SLC20A2: variants seen among roughly 807,000 people sequenced by gnomAD.
SLC20A2 encodes solute carrier family 20 member 2.
A neutral mutation model predicts 61.0 loss-of-function variants in SLC20A2; 30 were observed. That is an observed-to-expected ratio of 0.49 (90% confidence interval 0.37 to 0.67). SLC20A2 has a LOEUF of 0.67. Among genes scored for constraint, SLC20A2 ranks in the 30% least tolerant of loss-of-function variants. SLC20A2 has a pLI of 0.00. For missense variants in SLC20A2, 626 were observed against 866.4 expected, an observed-to-expected ratio of 0.72 and a Z score of 3.48; for synonymous variants, 351 against 353.3, an observed-to-expected ratio of 0.99 and a Z score of 0.07.
At position 42,437,285 on chromosome 8, in the gene SLC20A2, G is replaced by C; in HGVS notation, c.1227C>G (p.Ala409=). 1 of 1,614,136 alleles carries C rather than the reference G, an allele frequency of 6.2e-7. No individual in the cohort carries two copies. The highest frequency in any genetic ancestry group is 8.5e-7 in the Non-Finnish European group (1 of 1,180,044). The change falls in exon 8 of 11, where the codon GCC becomes GCG. Residue 409 remains alanine (A), a synonymous_variant. Coordinates refer to ENST00000520262, the MANE Select transcript of SLC20A2 (RefSeq NM_001257180.2). This position sits in a 1 kb window ranked among gnomAD's most constrained non-coding sequence, Gnocchi z 6.4. ...HATFRAADSS[A]PEDSEKLVGD... The stretch of plus-strand genomic sequence containing the variant: ...CCACCAGCTTCTCACTGTCCTCTGG[G>C]GCCGATGAGTCCGCAGCTCGAAAGG...
chr8:42,492,113 T>C (rs945205315), intron 1 of SLC20A2, among the ~76,000 whole-genome samples: 3 of 152,176 alleles, frequency 2.0e-5, no homozygotes, highest in Non-Finnish European at 4.4e-5. Flanking sequence ...TCCCAGCACT[T>C]TGGGAGGCCG....
At chr8:42,534,943 ATAACT>A (rs1172992160) in intron 1 of SLC20A2, 11 of 152,222 alleles carry the variant, frequency 7.2e-5, no homozygotes, top group African/African-American at 2.4e-4. Context: ...GTAGTGGAAA[ATAACT>A]TAATATTATA....
chr8:42,427,084 C>T (rs766357779), intron 10 of SLC20A2, among the ~76,000 whole-genome samples: 2 of 152,264 alleles, frequency 1.3e-5, no homozygotes, highest in Non-Finnish European at 2.9e-5. Flanking sequence ...GGCACACCTG[C>T]ACCTCTTCCT....
rs1804407760 is a variant in SLC20A2 at position 42,437,736 on chromosome 8, C to G, written c.935-159G>C. On this transcript the variant is annotated intron_variant, in intron 7 of 10. Coordinates refer to ENST00000520262, the MANE Select transcript of SLC20A2 (RefSeq NM_001257180.2). This position sits in a 1 kb window ranked among gnomAD's most constrained non-coding sequence, Gnocchi z 6.4. Reference sequence around the variant, plus strand: ...CGGGTTCAAGCGATTCTCCCTCAGCCTCCTGAGTAGCTGGGACTACAAGCG... The same window carrying G: ...CGGGTTCAAGCGATTCTCCCTCAGCGTCCTGAGTAGCTGGGACTACAAGCG... Among the ~76,000 whole-genome samples the G allele has an allele frequency of 6.6e-6, 1 of 151,762 alleles. No homozygotes were observed. The highest frequency in any genetic ancestry group is 6.6e-5 in the Admixed American group (1 of 15,218).
intron 2 of SLC20A2, among the ~76,000 whole-genome samples, chr8:42,468,681 C>T (rs1426105671): frequency 2.0e-5 from 3 of 151,826 alleles, no homozygotes; most frequent in African/African-American, 7.3e-5. Flanking sequence ...TCAGAGGCCG[C>T]CATTCCCGTG....
intron 1 of SLC20A2, chr8:42,484,785 C>T: frequency 3.1e-6 from 1 of 323,534 alleles, no homozygotes; most frequent in Non-Finnish European, 6.1e-6. Flanking sequence ...AGGCTGCTCC[C>T]ATATCATGCG....
Position 42,430,167 on chromosome 8 carries a change from G to A in SLC20A2, c.1606C>T (p.Leu536=), listed in dbSNP as rs1586002122. The A allele has an allele frequency of 3.7e-6, 6 of 1,613,996 alleles. No individual in the cohort carries two copies. The East Asian group carries it at 8.9e-5, about 24-fold the overall frequency. The part of the protein sequence containing the change: ...VTQEAATPVW[L]LFYGGVGICT... ...ATTCCAACTCCTCCATAAAACAGCA[G>A]CCAGACGGGTGTAGCTGCTTCTTGC... Residue 536 remains leucine (L), a synonymous_variant, in exon 9 of 11, where the codon CTG becomes TTG. Transcript: ENST00000520262.
intron 1 of SLC20A2, among the ~76,000 whole-genome samples, chr8:42,496,587 A>G (rs867412981): frequency 6.6e-6 from 1 of 152,220 alleles, no homozygotes; most frequent in African/African-American, 2.4e-5. Context: ...AGCCATTCCA[A>G]TGGAATTAGA....
chr8:42,448,059 G>A (rs1230923485), intron 5 of SLC20A2, among the ~76,000 whole-genome samples: 1 of 152,182 alleles, frequency 6.6e-6, no homozygotes, highest in African/African-American at 2.4e-5. Context: ...GTTCATACAC[G>A]CAGCAAAGGA....
intron 6 of SLC20A2, 123 bp downstream of exon 6, chr8:42,444,523 G>C (rs1409970546): frequency 4.2e-6 from 3 of 720,168 alleles, no homozygotes; most frequent in Non-Finnish European, 7.3e-6. Flanking sequence ...ACAGAGGATG[G>C]GGTATGTTCT....
chr8:42,504,114 A>AT (rs56978638), upstream of SLC20A2, among the ~76,000 whole-genome samples: 1,835 of 152,008 alleles, frequency 0.012, 40 homozygotes, highest in African/African-American at 0.043. Context: ...TAATTTTAAA[A>AT]TTTTTTTGTA....
intron 1 of SLC20A2, among the ~76,000 whole-genome samples, chr8:42,531,282 C>T (rs1220425781): frequency 6.6e-6 from 1 of 152,138 alleles, no homozygotes; most frequent in Non-Finnish European, 1.5e-5. Flanking sequence ...GTGAATATTA[C>T]AGGACCATTA....
At chr8:42,502,435 G>C (rs1810384349), upstream of SLC20A2, 1 of 152,238 alleles carries the variant, frequency 6.6e-6, no homozygotes, top group African/African-American at 2.4e-5. Context: ...ACTCTCTCTT[G>C]CAGACAGGTA....
intron 8 of SLC20A2, among the ~76,000 whole-genome samples, chr8:42,432,294 G>C (rs924449053): frequency 1.3e-5 from 2 of 152,238 alleles, no homozygotes; most frequent in Non-Finnish European, 2.9e-5. Flanking sequence ...AGCCACTGCA[G>C]ATGTGGTGGA....
intron 1 of SLC20A2, among the ~76,000 whole-genome samples, chr8:42,513,921 GT>G (rs370629451): frequency 1.1e-4 from 16 of 152,290 alleles, no homozygotes; most frequent in African/African-American, 3.1e-4. Context: ...AGGAAACCAT[GT>G]AGCATGTTCT....
chr8:42,455,219 C>T (rs1303669927), intron 5 of SLC20A2, among the ~76,000 whole-genome samples: 5 of 95,658 alleles, frequency 5.2e-5, no homozygotes, highest in Admixed American at 2.6e-4. Flanking sequence ...AGCAAGACTC[C>T]GTCTAAAAAA....
intron 1 of SLC20A2, among the ~76,000 whole-genome samples, chr8:42,487,022 A>G (rs369836825): frequency 4.6e-5 from 7 of 151,690 alleles, no homozygotes; most frequent in South Asian, 4.2e-4. Context: ...ATGTGCCACA[A>G]CGCCCGGCTA....
intron 8 of SLC20A2, among the ~76,000 whole-genome samples, chr8:42,432,494 A>C (rs1425730105): frequency 6.6e-6 from 1 of 152,260 alleles, no homozygotes; most frequent in Non-Finnish European, 1.5e-5. Flanking sequence ...AATATTCCAC[A>C]AACTCAGTTA....
intron 1 of SLC20A2, among the ~76,000 whole-genome samples, chr8:42,483,548 A>T (rs1165252331): frequency 1.3e-5 from 2 of 152,234 alleles, no homozygotes; most frequent in Non-Finnish European, 2.9e-5. Context: ...TCTGGAAGCG[A>T]GGGACGAGAA....
Sources: allele counts gnomAD v4.1 joint callset (sites outside exome capture counted in the v4.1 genomes callset), GRCh38; gene constraint gnomAD v4.1.1; non-coding constraint Gnocchi (gnomAD v3.1); transcripts MANE v1.5; gene names NCBI Gene and HGNC (gene_info 2026-07-23, HGNC 2026-07-21).